The following SEMA4B variants were observed in gnomAD, a reference collection of about 807,000 sequenced individuals.
The protein encoded by SEMA4B is semaphorin-4B.
Under a neutral mutation model 88.1 loss-of-function variants are expected in SEMA4B, and 55 were observed. That is an observed-to-expected ratio of 0.62 (90% confidence interval 0.50 to 0.78). SEMA4B has a LOEUF of 0.78. Ranked by LOEUF, SEMA4B falls within the 30% of genes least tolerant of loss-of-function variation. SEMA4B has a pLI of 0.00. For missense variants in SEMA4B, 1,062 were observed against 1,111.9 expected (o/e 0.96, Z 0.64); for synonymous variants, 525 against 473.6 (o/e 1.11, Z -1.41).
At position 90,221,444 on chromosome 15, in the gene SEMA4B, CCCA is replaced by C. The variant is rs1961837511; in HGVS notation, c.677_679del (p.Thr226del). 1 of 1,588,916 alleles carries C rather than the reference CCCA, an allele frequency of 6.3e-7. No homozygotes were observed. On this transcript the variant is annotated inframe_deletion, in exon 6 of 14. Coordinates refer to ENST00000411539, the MANE Select transcript of SEMA4B (RefSeq NM_198925.4). ...CATCTCGCGGAGCCAAAGCCTTCGC[CCCA>C]CCAAGACCGAGAGCTCCCTCAACTG...
chr15:90,185,388 G>A (rs574975552), intron 1 of SEMA4B, among the ~76,000 whole-genome samples: 1 of 152,384 alleles, frequency 6.6e-6, no homozygotes, highest in South Asian at 2.1e-4. Flanking sequence ...CTGGGGGGAA[G>A]TCATTTGGAA....
rs115609292 is a variant in SEMA4B, at chr15:90,186,565, C to A, written c.-122+1484C>A. Among the ~76,000 whole-genome samples the A allele has an allele frequency of 3.9e-3, 586 of 152,014 alleles. 4 individuals are homozygous for A. The highest frequency in any genetic ancestry group is 0.013 in the African/African-American group (532 of 41,474). On this transcript the variant is annotated intron_variant, in intron 1 of 14. Transcript: ENST00000332496. The stretch of plus-strand genomic sequence containing the variant: ...ATCTGGGAGGCGGAGGTTCCCTGAG[C>A]CAGCCGAGATTGTGATTGCATTCCA...
chr15:90,224,950 T>A lies in SEMA4B; in HGVS notation c.1195-18T>A, dbSNP rs1446551442. ...CCCCGAGGTGTGGCTGGCCTCACACTGCTGCTTTCTCCTCCAGTGCATCAC... is the reference window on the plus strand; with the variant it reads ...CCCCGAGGTGTGGCTGGCCTCACACAGCTGCTTTCTCCTCCAGTGCATCAC... On this transcript the variant is annotated intron_variant, in intron 9 of 13. Transcript: ENST00000411539. 6.2e-7 allele frequency: 1 copy of A among 1,611,792 alleles called. No individual in the cohort carries two copies. Among genetic ancestry groups the A allele is most frequent in the Admixed American group, 1.7e-5 (1 of 60,020 alleles).
At chr15:90,199,492 A>T (rs1345005762), upstream of SEMA4B, among the ~76,000 whole-genome samples, 7 of 151,878 alleles carry the variant, frequency 4.6e-5, no homozygotes, top group Admixed American at 3.3e-4. Context: ...TTAGTTTGGG[A>T]CATGTTGGGC....
In SEMA4B at chr15:90,228,042, T is replaced by C. The variant is rs1285448698; in HGVS notation, c.1913T>C (p.Leu638Pro). Reference protein sequence around the residue: ...PVNASASCHVLPTGDLLLVGT... With the variant: ...PVNASASCHVPPTGDLLLVGT... Reference sequence around the variant, plus strand: ...AATGCCTCGGCCTCCTGCCACGTGCTACCCACTGGGGACCTGCTGCTGGTG... The same window carrying C: ...AATGCCTCGGCCTCCTGCCACGTGCCACCCACTGGGGACCTGCTGCTGGTG... The change falls in exon 14 of 14, where the codon CTA becomes CCA. Residue 638 changes from leucine (L) to proline (P), a missense_variant. Transcript: ENST00000411539. The C allele has an allele frequency of 1.2e-6, 2 of 1,613,884 alleles. No individual in the cohort carries two copies. The highest frequency in any genetic ancestry group is 2.2e-5 in the South Asian group (2 of 91,078).
intron 1 of SEMA4B, among the ~76,000 whole-genome samples, chr15:90,193,890 T>C (rs1262721236): frequency 6.6e-6 from 1 of 151,798 alleles, no homozygotes; most frequent in Non-Finnish European, 1.5e-5. Flanking sequence ...TTCACTCTTG[T>C]GCCCAGGCTG....
At chr15:90,198,645 T>C (rs1960593353), upstream of SEMA4B, among the ~76,000 whole-genome samples, 1 of 152,034 alleles carries the variant, frequency 6.6e-6, no homozygotes. Context: ...GGGGAGAGTG[T>C]GCCAGGTGAG....
At position 90,212,643 on chromosome 15, in the gene SEMA4B, TAC is replaced by T. The variant is rs3029937; in HGVS notation, c.158-4773_158-4772del. Among the ~76,000 whole-genome samples, 22,947 of 149,882 alleles carry T rather than the reference TAC, an allele frequency of 0.15. 2,483 individuals carry two copies. The highest frequency in any genetic ancestry group is 0.6 in the East Asian group (3,037 of 5,090). ...CGTGGACAAGCCCTGCGGTACCGTG[TAC>T]ACACACACACACACACACACACCAC... is the stretch of plus-strand genomic sequence containing the variant. On this transcript the variant is annotated intron_variant, in intron 1 of 13. Transcript: ENST00000411539. This position sits in a 1 kb window ranked among gnomAD's most constrained non-coding sequence, Gnocchi z 4.0.
At chr15:90,206,738 G>T in intron 1 of SEMA4B, 1 of 765,530 alleles carries the variant, frequency 1.3e-6, no homozygotes, top group South Asian at 1.4e-5. Flanking sequence ...ATCCAACGGT[G>T]ATGAGACTGT....
intron 1 of SEMA4B, among the ~76,000 whole-genome samples, chr15:90,189,496 G>C (rs1960282419): frequency 6.6e-6 from 1 of 152,134 alleles, no homozygotes; most frequent in Non-Finnish European, 1.5e-5. Context: ...GTAAATGATT[G>C]AATGTAAAAA....
chr15:90,217,251 T>G (rs1163928478), intron 1 of SEMA4B, 188 bp from the exon 2 acceptor site: 6 of 562,744 alleles, frequency 1.1e-5, no homozygotes, highest in Non-Finnish European at 1.9e-5. Context: ...TCATTTCTTA[T>G]GTAATGTTTG....
chr15:90,224,147 G>T (rs1962021242), intron 9 of SEMA4B, among the ~76,000 whole-genome samples, 159 bp downstream of exon 9: 1 of 152,252 alleles, frequency 6.6e-6, no homozygotes, highest in Non-Finnish European at 1.5e-5. Flanking sequence ...GCCTGCTTGT[G>T]TACTGGGTTA....
Position 90,228,469 on chromosome 15 carries a change from C to G in SEMA4B, c.2340C>G (p.Thr780=). 1 of 1,610,112 alleles carries G rather than the reference C, an allele frequency of 6.2e-7. No individual in the cohort carries two copies. The highest frequency in any genetic ancestry group is 8.5e-7 in the Non-Finnish European group (1 of 1,178,784). The change falls in exon 14 of 14, where the codon ACC becomes ACG. Residue 780 remains threonine, a synonymous_variant. Transcript: ENST00000411539. ...TCAACGGCCTAGGGCCCCCTAGCAC[C>G]CCGCTCGATCACCGAGGGTACCAGT... The part of the protein sequence containing the change: ...RPLNGLGPPS[T]PLDHRGYQSL...
upstream of SEMA4B, among the ~76,000 whole-genome samples, chr15:90,200,311 A>G (rs943793262): frequency 2.6e-5 from 4 of 152,238 alleles, no homozygotes; most frequent in African/African-American, 7.2e-5. Context: ...CTCTACTGCC[A>G]TGGAAATAAC....
chr15:90,203,019 T>G (rs759850649), intron 1 of SEMA4B, among the ~76,000 whole-genome samples: 5 of 152,172 alleles, frequency 3.3e-5, no homozygotes, highest in Non-Finnish European at 5.9e-5. Context: ...TACTTAAAGT[T>G]TCTGGGTCTT....
upstream of SEMA4B, among the ~76,000 whole-genome samples, chr15:90,196,348 T>C (rs1455821062): frequency 6.6e-6 from 1 of 152,188 alleles, no homozygotes; most frequent in Non-Finnish European, 1.5e-5. Flanking sequence ...CCCTTAGAGA[T>C]AAATGTTCCC....
At chr15:90,189,570 C>T (rs1159919150) in intron 1 of SEMA4B, among the ~76,000 whole-genome samples, 2 of 152,174 alleles carry the variant, frequency 1.3e-5, no homozygotes, top group Admixed American at 1.3e-4. Flanking sequence ...TAAATGTCAA[C>T]TTTGATGTAG....
At chr15:90,196,956 T>A (rs561441340), upstream of SEMA4B, among the ~76,000 whole-genome samples, 30 of 152,366 alleles carry the variant, frequency 2.0e-4, no homozygotes, top group African/African-American at 6.7e-4. Context: ...TCAAGCTGGT[T>A]CCGATGTCCT....
At position 90,218,291 on chromosome 15, in the gene SEMA4B, C is replaced by G. The variant is rs1282049373; in HGVS notation, c.384+462C>G. ...GATGAAATCTGGTTCAACCCAGGTT[C>G]TCCTGGAGGACTCATCATCATCCCT... On this transcript the variant is annotated intron_variant, in intron 3 of 13. Coordinates refer to ENST00000411539, the MANE Select transcript of SEMA4B (RefSeq NM_198925.4). Among the ~76,000 whole-genome samples the G allele has an allele frequency of 2.0e-5, 3 of 152,178 alleles. No individual in the cohort carries two copies. The East Asian group carries it at 5.8e-4, about 29-fold the overall frequency.
Sources: gnomAD v4.1 joint callset for allele counts (sites outside exome capture counted in the v4.1 genomes callset) on GRCh38, gnomAD v4.1.1 for gene constraint, Gnocchi (gnomAD v3.1) non-coding constraint, MANE v1.5 for transcripts, NCBI Gene and HGNC (gene_info 2026-07-23, HGNC 2026-07-21) for gene names.